DYRK1A: variants seen among roughly 807,000 people sequenced by gnomAD.
DYRK1A encodes dual specificity tyrosine-phosphorylation-regulated kinase 1A.
A neutral mutation model predicts 79.7 loss-of-function variants in DYRK1A; 9 were observed. The ratio of observed to expected loss-of-function variants is 0.11; its 90% confidence interval spans 0.07 to 0.20. The LOEUF is 0.20. DYRK1A is among the 10% of genes least tolerant of loss of function. The pLI is 1.00. For missense variants in DYRK1A, 622 were observed against 956.0 expected, an observed-to-expected ratio of 0.65 and a Z score of 4.61; for synonymous variants, 349 against 329.7, an observed-to-expected ratio of 1.06 and a Z score of -0.63.
At chr21:37,464,225 C>T in intron 2 of DYRK1A, 1 of 459,014 alleles carries the variant, frequency 2.2e-6, no homozygotes, top group Non-Finnish European at 4.3e-6. Flanking sequence ...AATCTTATGT[C>T]CCAGTCTTTG....
chr21:37,465,806 C>T (rs527615946), intron 2 of DYRK1A, among the ~76,000 whole-genome samples: 3 of 151,982 alleles, frequency 2.0e-5, no homozygotes, highest in Non-Finnish European at 4.4e-5. Flanking sequence ...CACTGCCCTC[C>T]AGCCTGGGTA....
At chr21:37,436,439 A>G (rs1428162654) in intron 2 of DYRK1A, among the ~76,000 whole-genome samples, 2 of 152,176 alleles carry the variant, frequency 1.3e-5, no homozygotes, top group South Asian at 2.1e-4. Flanking sequence ...TGTTCCAGCT[A>G]GCACCATTTC....
intron 5 of DYRK1A, among the ~76,000 whole-genome samples, chr21:37,484,199 T>C (rs1352053630): frequency 6.6e-6 from 1 of 151,940 alleles, no homozygotes; most frequent in African/African-American, 2.4e-5. Context: ...AACAGTTTGA[T>C]CCCCAAACCA....
chr21:37,379,460 A>G (rs1318938308), intron 1 of DYRK1A, among the ~76,000 whole-genome samples: 3 of 152,254 alleles, frequency 2.0e-5, no homozygotes, highest in Non-Finnish European at 1.5e-5. Flanking sequence ...AAAAGGTTCT[A>G]GGAATGCAGT....
At chr21:37,505,676 T>C in intron 10 of DYRK1A, 87 bp downstream of exon 10, 1 of 1,402,860 alleles carries the variant, frequency 7.1e-7, no homozygotes, top group Non-Finnish European at 9.6e-7. Flanking sequence ...TGATTAAATT[T>C]GTTAATAGAG....
intron 4 of DYRK1A, among the ~76,000 whole-genome samples, chr21:37,479,606 G>GGTTTTTTTTTT (rs2052536883): frequency 3.6e-5 from 1 of 27,594 alleles, no homozygotes; most frequent in Non-Finnish European, 6.9e-5. Flanking sequence ...TTTTGTTTTT[G>GGTTTTTTTTTT]TTTTTGTTTT....
intron 2 of DYRK1A, among the ~76,000 whole-genome samples, chr21:37,441,498 G>T (rs993499486): frequency 1.3e-5 from 2 of 151,808 alleles, no homozygotes; most frequent in African/African-American, 4.8e-5. Flanking sequence ...TCTGCTTTTG[G>T]ATTGATTGAA....
chr21:37,436,404 C>T (rs1261737778), intron 2 of DYRK1A, among the ~76,000 whole-genome samples: 1 of 152,162 alleles, frequency 6.6e-6, no homozygotes, highest in African/African-American at 2.4e-5. Flanking sequence ...GTGTCATTCC[C>T]TTGAAATAAG....
chr21:37,457,502 G>T (rs1020918030), intron 2 of DYRK1A, among the ~76,000 whole-genome samples: 1 of 152,184 alleles, frequency 6.6e-6, no homozygotes, highest in African/African-American at 2.4e-5. Context: ...CTCCCAAAGT[G>T]CTGGGATTAC....
At chr21:37,420,556 GATA>G (rs1236394985) in intron 2 of DYRK1A, among the ~76,000 whole-genome samples, 172 bp downstream of exon 2, 1 of 152,080 alleles carries the variant, frequency 6.6e-6, no homozygotes, top group African/African-American at 2.4e-5. Flanking sequence ...AACTCAGATT[GATA>G]ATCAGTGATT....
In DYRK1A at chr21:37,506,427, TGGG is replaced by T. The variant is rs1569399323; in HGVS notation, c.1644+207_1644+209del. 3 of 1,449,584 alleles carry T rather than the reference TGGG, an allele frequency of 2.1e-6. No individual in the cohort carries two copies. In the African/African-American group the frequency reaches 4.2e-5, roughly 20 times the overall value. The allele number at this position is 1,449,584 out of a possible 1,614,324, so 89.8% of individuals were successfully genotyped here. ...TTGTCTAGAAGTGGCTAACACTTAT[TGGG>T]GGCATAACAGTTGTTGTTTTGAACA... On this transcript the variant is annotated intron_variant, in intron 11 of 11. Coordinates refer to ENST00000647188, the MANE Select transcript of DYRK1A (RefSeq NM_001347721.2).
chr21:37,475,394 A>G (rs2052360927), intron 3 of DYRK1A, among the ~76,000 whole-genome samples: 3 of 152,214 alleles, frequency 2.0e-5, no homozygotes, highest in Non-Finnish European at 2.9e-5. Context: ...GAAGTAGAGA[A>G]AGTGTCAGAT....
intron 2 of DYRK1A, among the ~76,000 whole-genome samples, chr21:37,424,870 CA>C (rs2050574094): frequency 6.6e-6 from 1 of 152,140 alleles, no homozygotes; most frequent in Non-Finnish European, 1.5e-5. Context: ...TAATATGTAC[CA>C]CTCTGTACAT....
chr21:37,482,258 A>G (rs973305586), intron 5 of DYRK1A, among the ~76,000 whole-genome samples: 3 of 152,172 alleles, frequency 2.0e-5, no homozygotes, highest in Non-Finnish European at 4.4e-5. Flanking sequence ...ATATCGGGCA[A>G]AATTCACCCC....
At chr21:37,480,075 T>A (rs1180295059) in intron 4 of DYRK1A, among the ~76,000 whole-genome samples, 2 of 152,204 alleles carry the variant, frequency 1.3e-5, no homozygotes, top group East Asian at 3.8e-4. Context: ...GAGGGCCTAT[T>A]TATTTTAGTA....
chr21:37,398,132 GTATA>G (rs201238526), intron 1 of DYRK1A, among the ~76,000 whole-genome samples: 33 of 146,262 alleles, frequency 2.3e-4, no homozygotes, highest in African/African-American at 7.5e-4. Flanking sequence ...TTATATATGT[GTATA>G]TATATATATT....
chr21:37,370,349 G>A lies in DYRK1A; in HGVS notation c.-77+2721G>A, dbSNP rs372516182. Among the ~76,000 whole-genome samples, 16 of 150,996 alleles carry A rather than the reference G, an allele frequency of 1.1e-4. No individual in the cohort carries two copies. In the East Asian group the frequency reaches 3.1e-3, roughly 29 times the overall value. ...AGGCTGCCCTGAGGTGTTTTCGTGT[G>A]TCTGTTTATGGTTGACAAGTATCTA... is the stretch of plus-strand genomic sequence containing the variant. On this transcript the variant is annotated intron_variant, in intron 1 of 11. Coordinates refer to ENST00000647188, the MANE Select transcript of DYRK1A (RefSeq NM_001347721.2).
chr21:37,454,031 A>ATAC lies in DYRK1A; in HGVS notation c.11-18651_11-18649dup, dbSNP rs935874558. 4.6e-4 allele frequency among the ~76,000 whole-genome samples: 69 copies of ATAC among 149,330 alleles called. 1 individual carries two copies. Among genetic ancestry groups the ATAC allele is most frequent in the South Asian group, 6.4e-4 (3 of 4,720 alleles). On this transcript the variant is annotated intron_variant, in intron 2 of 11. Coordinates refer to ENST00000647188, the MANE Select transcript of DYRK1A (RefSeq NM_001347721.2). ...CCCACTGTTGTCCCTCAGTCTTTAC[A>ATAC]TACTTGAGTCCTCAATCTCCTACAT...
intron 2 of DYRK1A, among the ~76,000 whole-genome samples, chr21:37,463,138 T>C (rs1376764956): frequency 6.6e-6 from 1 of 151,958 alleles, no homozygotes; most frequent in Non-Finnish European, 1.5e-5. Context: ...TTGAGTATGC[T>C]CTTTTGGCTA....
Sources: gnomAD v4.1 joint callset for allele counts (sites outside exome capture counted in the v4.1 genomes callset) on GRCh38, gnomAD v4.1.1 for gene constraint, MANE v1.5 for transcripts, NCBI Gene and HGNC (gene_info 2026-07-23, HGNC 2026-07-21) for gene names.